The following RBFOX2 variants were observed in gnomAD, a reference collection of about 807,000 sequenced individuals.
RBFOX2 encodes RNA binding fox-1 homolog 2.
Under a neutral mutation model 49.1 loss-of-function variants are expected in RBFOX2, and 10 were observed. That is an observed-to-expected ratio of 0.20 (90% confidence interval 0.13 to 0.35). The LOEUF (loss-of-function observed/expected upper bound fraction) is 0.35. Among genes scored for constraint, RBFOX2 ranks in the 10% least tolerant of loss-of-function variants. RBFOX2 has a pLI of 1.00. For missense variants in RBFOX2, 323 were observed against 486.9 expected, an observed-to-expected ratio of 0.66 and a Z score of 3.17; for synonymous variants, 183 against 187.4, an observed-to-expected ratio of 0.98 and a Z score of 0.19.
chr22:35,910,918 TA>T, intron 1 of RBFOX2, among the ~76,000 whole-genome samples: 1 of 152,332 alleles, frequency 6.6e-6, no homozygotes, highest in East Asian at 1.9e-4. Context: ...GCTATGACTT[TA>T]CTTTTAATAA....
intron 1 of RBFOX2, among the ~76,000 whole-genome samples, chr22:35,955,190 G>C (rs1015435154): frequency 7.2e-5 from 11 of 152,162 alleles, no homozygotes; most frequent in African/African-American, 2.7e-4. Context: ...GAGAACTAGA[G>C]CTGCAATTCT....
intron 1 of RBFOX2, chr22:35,996,764 G>C (rs914180402): frequency 6.6e-6 from 1 of 152,194 alleles, no homozygotes; most frequent in Non-Finnish European, 1.5e-5. Context: ...GGAAAGAGAG[G>C]TTGCTCTATG....
chr22:35,977,411 G>A (rs2057225793), intron 1 of RBFOX2, among the ~76,000 whole-genome samples: 1 of 151,912 alleles, frequency 6.6e-6, no homozygotes, highest in African/African-American at 2.4e-5. Context: ...CAGTACAGAC[G>A]AATCTCAAAA....
chr22:35,962,202 T>C (rs1357610349), upstream of RBFOX2, among the ~76,000 whole-genome samples: 1 of 152,228 alleles, frequency 6.6e-6, no homozygotes, highest in Non-Finnish European at 1.5e-5. Flanking sequence ...TCTCCTGCTA[T>C]TTCCTTGATA....
rs377006818 is a variant in RBFOX2 at position 35,894,715 on chromosome 22, C to A, written c.-34+44132G>T. Among the ~76,000 whole-genome samples, 37 of 152,254 alleles carry A rather than the reference C, an allele frequency of 2.4e-4. No homozygotes were observed. The East Asian group carries it at 5.0e-3, about 21-fold the overall frequency. ...ACAGAAGGGGATGTGGCAGTCTGTGCTCTGTGGGGAGGCCATTTGTGCAAC... is the reference window on the plus strand; with the variant it reads ...ACAGAAGGGGATGTGGCAGTCTGTGATCTGTGGGGAGGCCATTTGTGCAAC... On this transcript the variant is annotated intron_variant, in intron 1 of 13. Coordinates refer to the RBFOX2 transcript ENST00000359369.
intron 1 of RBFOX2, chr22:35,898,254 T>A: frequency 1.3e-6 from 1 of 752,282 alleles, no homozygotes; most frequent in South Asian, 1.4e-5. Context: ...TCCCACTGAC[T>A]TGAGGAACAT....
intron 1 of RBFOX2, among the ~76,000 whole-genome samples, chr22:36,007,971 C>T (rs911468462): frequency 2.0e-5 from 3 of 152,046 alleles, no homozygotes; most frequent in Non-Finnish European, 4.4e-5. Context: ...CCTTCTGCTA[C>T]TTCAAATAAT....
chr22:35,757,202 C>A (rs1317106906), intron 9 of RBFOX2, among the ~76,000 whole-genome samples: 3 of 146,340 alleles, frequency 2.1e-5, no homozygotes, highest in Admixed American at 6.9e-5. Flanking sequence ...GAATTTGTAG[C>A]AAACAGACAA....
At chr22:35,761,354 A>C in intron 7 of RBFOX2, 60 bp from the exon 9 acceptor site, 2 of 1,612,316 alleles carry the variant, frequency 1.2e-6, no homozygotes, top group Non-Finnish European at 1.7e-6. Context: ...TCACAAATTG[A>C]AAAACAGCAG....
intron 1 of RBFOX2, among the ~76,000 whole-genome samples, chr22:35,987,616 G>C (rs1284398764): frequency 3.9e-5 from 6 of 152,148 alleles, no homozygotes; most frequent in African/African-American, 1.4e-4. Flanking sequence ...CATCAGGTCA[G>C]CCTCTAGGGA....
chr22:36,028,184 T>A, intron 1 of RBFOX2, 56 bp downstream of exon 1: 6 of 1,402,380 alleles, frequency 4.3e-6, no homozygotes, highest in Non-Finnish European at 5.6e-6. Context: ...GGGAGCCCGG[T>A]GTCGACCCTC....
At chr22:35,757,843 A>C (rs1937450406) in intron 9 of RBFOX2, among the ~76,000 whole-genome samples, 1 of 152,192 alleles carries the variant, frequency 6.6e-6, no homozygotes, top group Admixed American at 6.5e-5. Context: ...ATAAAATGGA[A>C]AGCACTGAGA....
At chr22:35,908,416 C>A (rs2049368948) in intron 1 of RBFOX2, among the ~76,000 whole-genome samples, 1 of 152,174 alleles carries the variant, frequency 6.6e-6, no homozygotes, top group Non-Finnish European at 1.5e-5. Flanking sequence ...AGAACACTTA[C>A]ATTAGGTTAC....
upstream of RBFOX2, among the ~76,000 whole-genome samples, chr22:35,942,775 A>G (rs2053838595): frequency 6.6e-6 from 1 of 152,078 alleles, no homozygotes; most frequent in South Asian, 2.1e-4. Context: ...AGAAGGATAT[A>G]TAACAAACTT....
chr22:35,994,469 G>A (rs894792220), intron 1 of RBFOX2: 20 of 151,532 alleles, frequency 1.3e-4, no homozygotes, highest in African/African-American at 1.9e-4. Flanking sequence ...ACAGCAGCAC[G>A]ATCATCGCTC....
chr22:35,912,315 C>G lies in RBFOX2; in HGVS notation c.-34+26532G>C, dbSNP rs1053089503. 3.9e-5 allele frequency among the ~76,000 whole-genome samples: 6 copies of G among 152,230 alleles called. No individual in the cohort carries two copies. In the South Asian group the frequency reaches 1.0e-3, roughly 26 times the overall value. On this transcript the variant is annotated intron_variant, in intron 1 of 13. Coordinates refer to the RBFOX2 transcript ENST00000359369. ...TGAGCATTCATTAATACCAACCCAT[C>G]TTTCATTAGATTCCCATCAACATTC...
intron 1 of RBFOX2, among the ~76,000 whole-genome samples, chr22:36,006,113 T>C (rs1015043957): frequency 6.6e-6 from 1 of 152,196 alleles, no homozygotes; most frequent in Admixed American, 6.5e-5. Flanking sequence ...GAATAAAATA[T>C]CACCTGCCTA....
At chr22:35,742,001 A>C (rs985582856) in exon 12 of RBFOX2, 2 of 152,218 alleles carry the variant, frequency 1.3e-5, no homozygotes, top group Non-Finnish European at 2.9e-5. Context: ...AGTCAGCTAA[A>C]GTTCTCCCTC....
intron 1 of RBFOX2, among the ~76,000 whole-genome samples, chr22:35,892,830 G>A (rs920039917): frequency 6.6e-6 from 1 of 152,216 alleles, no homozygotes; most frequent in Non-Finnish European, 1.5e-5. Context: ...TGGAAACTGA[G>A]TCTCAGAATA....
Sources: gnomAD v4.1 joint callset for allele counts (sites outside exome capture counted in the v4.1 genomes callset) on GRCh38, gnomAD v4.1.1 for gene constraint, MANE v1.5 for transcripts, NCBI Gene and HGNC (gene_info 2026-07-23, HGNC 2026-07-21) for gene names.